The following FASTKD2 variants were observed in gnomAD, a reference collection of about 807,000 sequenced individuals.
FASTKD2 encodes FAST kinase domains 2.
A neutral mutation model predicts 63.6 loss-of-function variants in FASTKD2; 51 were observed. The ratio of observed to expected loss-of-function variants is 0.80; its 90% CI spans 0.64 to 1.01. The LOEUF (loss-of-function observed/expected upper bound fraction) is 1.01. Ranked by LOEUF, FASTKD2 falls within the 50% of genes least tolerant of loss-of-function variation. FASTKD2 has a pLI of 0.00. For synonymous variants in FASTKD2, 284 were observed against 293.4 expected (o/e 0.97, Z 0.33); for missense variants, 786 against 831.1 (o/e 0.95, Z 0.67).
chr2:206,790,471 C>T (rs1296633559), intron 10 of FASTKD2, 101 bp from the exon 11 acceptor site: 8 of 772,376 alleles, frequency 1.0e-5, no homozygotes, highest in South Asian at 6.9e-5. Flanking sequence ...GGATTGTGGT[C>T]GGTGGAGAGC....
chr2:206,782,379 A>G (rs953128694), intron 7 of FASTKD2, among the ~76,000 whole-genome samples: 1 of 152,232 alleles, frequency 6.6e-6, no homozygotes, highest in African/African-American at 2.4e-5. Flanking sequence ...ATTTTTGTCT[A>G]TATGTCCTTG....
chr2:206,766,380 G>A (rs1689472342), intron 1 of FASTKD2, among the ~76,000 whole-genome samples: 1 of 150,978 alleles, frequency 6.6e-6, no homozygotes, highest in South Asian at 2.1e-4. Flanking sequence ...CTCTCCTACA[G>A]AGAAAGCTTT....
chr2:206,796,024 A>T lies in FASTKD2; in HGVS notation c.*4222A>T, dbSNP rs539338030. ...CAGCCTTTCCATTCATCTTGTAAGCAGGAGGCTTCTGTGCATGGCCAGAAA... is the reference window on the plus strand; with the variant it reads ...CAGCCTTTCCATTCATCTTGTAAGCTGGAGGCTTCTGTGCATGGCCAGAAA... On this transcript the variant is annotated 3_prime_UTR_variant, in exon 12 of 12. Transcript: ENST00000402774. Among the ~76,000 whole-genome samples the T allele has an allele frequency of 3.9e-4, 60 of 152,286 alleles. No individual in the cohort carries two copies. The highest frequency in any genetic ancestry group is 7.2e-4 in the Non-Finnish European group (49 of 68,012).
chr2:206,781,304 ATTTTTTTTTTT>A (rs71034473), intron 7 of FASTKD2, among the ~76,000 whole-genome samples: 10 of 75,936 alleles, frequency 1.3e-4, no homozygotes, highest in Admixed American at 1.9e-4. Flanking sequence ...TTTTTCTATG[ATTTTTTTTTTT>A]TTTTTTTTTT....
intron 11 of FASTKD2, 79 bp from the exon 12 acceptor site, chr2:206,791,604 T>C (rs1037471260): frequency 1.5e-6 from 2 of 1,349,760 alleles, no homozygotes; most frequent in African/African-American, 1.4e-5. Flanking sequence ...CATGTTACTT[T>C]ACTATGTTTG....
chr2:206,765,640 G>T lies in FASTKD2; in HGVS notation c.-158G>T, dbSNP rs912160047. ...ATGGCTGCTCCTGTACGTAGTCACG[G>T]TCTTGTGCTCTAAGGTGAGTGGAGG... On this transcript the variant is annotated 5_prime_UTR_variant, in exon 1 of 12. Transcript: ENST00000402774. 2 of 641,104 alleles carry T rather than the reference G, an allele frequency of 3.1e-6. No homozygotes were observed. Among genetic ancestry groups the T allele is most frequent in the Non-Finnish European group, 4.0e-6 (2 of 503,756 alleles). 39.7% of individuals were successfully genotyped at this position (641,104 alleles called of 1,614,324 possible).
intron 7 of FASTKD2, among the ~76,000 whole-genome samples, chr2:206,774,752 A>G (rs1190824452): frequency 6.6e-6 from 1 of 152,096 alleles, no homozygotes; most frequent in East Asian, 1.9e-4. Flanking sequence ...TTTTTTTATT[A>G]TGGTAAGAAC....
At chr2:206,771,060 G>A (rs1348542631) in intron 3 of FASTKD2, 122 bp from the exon 4 acceptor site, 4 of 671,418 alleles carry the variant, frequency 6.0e-6, no homozygotes, top group Non-Finnish European at 1.1e-5. Context: ...CAAGCAGGTA[G>A]ATCATTTCTC....
intron 9 of FASTKD2, 21 bp from the exon 10 acceptor site, chr2:206,788,798 A>T (rs1192881165): frequency 1.6e-6 from 2 of 1,233,678 alleles, no homozygotes; most frequent in Non-Finnish European, 2.4e-6. Context: ...TGAAAAATTA[A>T]TATCAATTCT....
chr2:206,771,803 T>A, intron 4 of FASTKD2, 91 bp from the exon 5 acceptor site: 1 of 1,053,466 alleles, frequency 9.5e-7, no homozygotes, highest in Non-Finnish European at 1.4e-6. Flanking sequence ...CCAACCTGGG[T>A]GACAGCACAA....
intron 4 of FASTKD2, among the ~76,000 whole-genome samples, chr2:206,771,539 G>C (rs986046280): frequency 2.7e-5 from 4 of 149,468 alleles, no homozygotes; most frequent in Non-Finnish European, 5.9e-5. Flanking sequence ...GTTTAGGCCA[G>C]ACATGGTGGC....
At chr2:206,776,243 A>G (rs1054515045) in intron 7 of FASTKD2, among the ~76,000 whole-genome samples, 31 of 151,850 alleles carry the variant, frequency 2.0e-4, no homozygotes, top group Non-Finnish European at 4.0e-4. Flanking sequence ...TATGAGTTAC[A>G]GGAATTCCTT....
chr2:206,766,809 G>C lies in FASTKD2; in HGVS notation c.116G>C (p.Arg39Thr), dbSNP rs568472244. The C allele has an allele frequency of 4.3e-6, 7 of 1,612,956 alleles. No homozygotes were observed. The highest frequency in any genetic ancestry group is 5.9e-6 in the Non-Finnish European group (7 of 1,179,342). The stretch of plus-strand genomic sequence containing the variant: ...TTCAGTACATTAGTTTCAACAAGCA[G>C]AACTATGAGGCTATGTTGTTTGGGA... ...RQFSTLVSTS[R>T]TMRLCCLGLC... The change falls in exon 2 of 12, where the codon AGA becomes ACA. Residue 39 changes from arginine (R) to threonine (T), a missense_variant. Transcript: ENST00000402774.
rs916409246 is a variant in FASTKD2, at chr2:206,793,436, G to T, written c.*1634G>T. 6.6e-6 allele frequency among the ~76,000 whole-genome samples: 1 copy of T among 151,988 alleles called. No individual in the cohort carries two copies. Among genetic ancestry groups the T allele is most frequent in the African/African-American group, 2.4e-5 (1 of 41,360 alleles). On this transcript the variant is annotated 3_prime_UTR_variant, in exon 12 of 12. Transcript: ENST00000402774. ...TCCTGAAGTCTCAGCTATGCCATTG[G>T]TTCCACATCATTTCATCCTCACCTG... is the stretch of plus-strand genomic sequence containing the variant.
At chr2:206,786,991 G>T (rs1690154974) in intron 8 of FASTKD2, 92 bp downstream of exon 8, 2 of 823,572 alleles carry the variant, frequency 2.4e-6, no homozygotes, top group Admixed American at 2.2e-5. Context: ...CTTAGTTGGA[G>T]CAGTGTTAGT....
intron 7 of FASTKD2, among the ~76,000 whole-genome samples, chr2:206,781,673 CTTT>C (rs59970556): frequency 4.0e-4 from 52 of 130,468 alleles, no homozygotes; most frequent in African/African-American, 1.3e-3. Context: ...TTTTTAATTT[CTTT>C]TTTTTTTTTT....
intron 7 of FASTKD2, among the ~76,000 whole-genome samples, chr2:206,785,850 CT>C (rs1230254559): frequency 1.3e-5 from 2 of 152,172 alleles, no homozygotes; most frequent in African/African-American, 4.8e-5. Flanking sequence ...TTAACAAGGG[CT>C]TGTGTCCAGG....
In FASTKD2 at chr2:206,788,929, G is replaced by A. The variant is rs76270461; in HGVS notation, c.1898+26G>A. 119,860 of 1,164,206 alleles carry A rather than the reference G, an allele frequency of 0.1. 7,008 individuals carry two copies. The highest frequency in any genetic ancestry group is 0.18 in the East Asian group (7,780 of 42,792). 72.1% of individuals were successfully genotyped at this position (1,164,206 alleles called of 1,614,324 possible). On this transcript the variant is annotated intron_variant, in intron 10 of 11. Transcript: ENST00000402774. Reference sequence around the variant, plus strand: ...GTTGCTTACATATATTTCATTTGCTGGGCTTTCTGAATTAAAATCCTAATT... The same window carrying A: ...GTTGCTTACATATATTTCATTTGCTAGGCTTTCTGAATTAAAATCCTAATT...
At chr2:206,791,412 G>T (rs560719496) in intron 11 of FASTKD2, 52 of 412,010 alleles carry the variant, frequency 1.3e-4, no homozygotes, top group African/African-American at 1.1e-3. Context: ...TTATATTGCT[G>T]ATTATATATA....
Sources: gnomAD v4.1 joint callset for allele counts (sites outside exome capture counted in the v4.1 genomes callset) on GRCh38, gnomAD v4.1.1 for gene constraint, MANE v1.5 for transcripts, NCBI Gene and HGNC (gene_info 2026-07-23, HGNC 2026-07-21) for gene names.